Variants in NECAB1 observed in about 807,000 individuals in gnomAD.
NECAB1 encodes N-terminal EF-hand calcium binding protein 1, also known as N-terminal EF-hand calcium-binding protein 1.
In NECAB1, 29 loss-of-function variants were observed where a neutral mutation model predicts 57.5. The ratio of observed to expected loss-of-function variants is 0.50; its 90% CI spans 0.38 to 0.69. NECAB1 has a LOEUF of 0.69. NECAB1 is among the 30% of genes least tolerant of loss of function. NECAB1 has a pLI of 0.00. For synonymous variants in NECAB1, 142 were observed against 147.7 expected (o/e 0.96, Z 0.28); for missense variants, 372 against 413.8 (o/e 0.90, Z 0.88).
At chr8:90,803,478 T>G (rs1485397316) in intron 2 of NECAB1, among the ~76,000 whole-genome samples, 1 of 152,202 alleles carries the variant, frequency 6.6e-6, no homozygotes, top group Non-Finnish European at 1.5e-5. Context: ...TATGTATTTC[T>G]CTTCTTTCCA....
Position 90,889,323 on chromosome 8 carries a change from C to T in NECAB1, c.357+8193C>T, listed in dbSNP as rs538700924. Among the ~76,000 whole-genome samples, 18 of 152,258 alleles carry T rather than the reference C, an allele frequency of 1.2e-4. 1 individual carries two copies. In the South Asian group the frequency reaches 3.7e-3, roughly 32 times the overall value. ...GACAAAAAATGTCAGCTAACGCCCT[C>T]AAGGTCACACAGCTGAGATGTGGAT... On this transcript the variant is annotated intron_variant, in intron 5 of 12. Transcript: ENST00000417640.
chr8:90,908,384 G>A (rs1258809525), intron 5 of NECAB1, among the ~76,000 whole-genome samples: 1 of 152,044 alleles, frequency 6.6e-6, no homozygotes, highest in Non-Finnish European at 1.5e-5. Context: ...ATAGTTCTGT[G>A]CTCTTCATAC....
intron 5 of NECAB1, among the ~76,000 whole-genome samples, chr8:90,900,192 C>A: frequency 6.6e-6 from 1 of 151,976 alleles, no homozygotes; most frequent in East Asian, 1.9e-4. Flanking sequence ...CTTTATATAC[C>A]AATATGGGAT....
rs148964746 is a variant in NECAB1, at chr8:90,835,801, A to G, written c.233+10976A>G. Among the ~76,000 whole-genome samples, 268 of 152,306 alleles carry G rather than the reference A, an allele frequency of 1.8e-3. 3 individuals are homozygous for G. The highest frequency in any genetic ancestry group is 3.4e-3 in the Middle Eastern group (1 of 294). ...TCCAGCAATTGCTGTAATACATTCA[A>G]TAAGTGCTTGGTTACTTGACTGATA... On this transcript the variant is annotated intron_variant, in intron 3 of 12. Transcript: ENST00000417640.
intron 3 of NECAB1, among the ~76,000 whole-genome samples, chr8:90,828,883 A>G (rs1309693786): frequency 5.9e-5 from 9 of 152,020 alleles, no homozygotes; most frequent in Non-Finnish European, 1.2e-4. Context: ...ATTTTTCTCA[A>G]GCTTTAAGAG....
intron 3 of NECAB1, among the ~76,000 whole-genome samples, chr8:90,849,877 T>G (rs536260912): frequency 3.3e-4 from 50 of 152,256 alleles, no homozygotes; most frequent in African/African-American, 1.1e-3. Context: ...AGTGGATCAT[T>G]GTGTTTGGTT....
intron 7 of NECAB1, among the ~76,000 whole-genome samples, 166 bp from the exon 8 acceptor site, chr8:90,928,057 T>C (rs2019889): frequency 0.52 from 78,950 of 151,726 alleles, 23,767 homozygotes; most frequent in African/African-American, 0.81. Context: ...CATGGATCTA[T>C]GGAAATCAAT....
intron 5 of NECAB1, among the ~76,000 whole-genome samples, chr8:90,891,555 A>G (rs1336040843): frequency 6.6e-6 from 1 of 152,026 alleles, no homozygotes; most frequent in African/African-American, 2.4e-5. Flanking sequence ...AATGTAATAG[A>G]ACCAAGAATT....
At chr8:90,862,100 G>A (rs1322652321) in intron 3 of NECAB1, among the ~76,000 whole-genome samples, 1 of 152,044 alleles carries the variant, frequency 6.6e-6, no homozygotes, top group Admixed American at 6.6e-5. Context: ...TATAAATTAT[G>A]GTAGAAAACA....
intron 4 of NECAB1, among the ~76,000 whole-genome samples, chr8:90,879,405 T>G (rs1380574711): frequency 6.6e-6 from 1 of 151,740 alleles, no homozygotes; most frequent in East Asian, 1.9e-4. Context: ...TGCCTTAGCT[T>G]CCCAAAATAC....
At chr8:90,881,892 G>T (rs116842618) in intron 5 of NECAB1, among the ~76,000 whole-genome samples, 4 of 152,192 alleles carry the variant, frequency 2.6e-5, no homozygotes, top group Non-Finnish European at 5.9e-5. Context: ...AAGGAAGTTG[G>T]TAGAGCTGGA....
intron 8 of NECAB1, among the ~76,000 whole-genome samples, chr8:90,932,038 A>G (rs1330547388): frequency 6.6e-6 from 1 of 152,182 alleles, no homozygotes; most frequent in Non-Finnish European, 1.5e-5. Context: ...GTATCATCAG[A>G]TCACAGGACA....
rs1181578956 is a variant in NECAB1 at position 90,803,733 on chromosome 8, A to G, written c.124+2018A>G. Reference sequence around the variant, plus strand: ...TTACTTCTCAAAATCTTCCTCATGTATCCTCCTCTGCAGCTGCTGAAGCAC... The same window carrying G: ...TTACTTCTCAAAATCTTCCTCATGTGTCCTCCTCTGCAGCTGCTGAAGCAC... On this transcript the variant is annotated intron_variant, in intron 2 of 12. Coordinates refer to ENST00000417640, the MANE Select transcript of NECAB1 (RefSeq NM_022351.5). 2.0e-5 allele frequency among the ~76,000 whole-genome samples: 3 copies of G among 151,874 alleles called. No individual in the cohort carries two copies. In the East Asian group the frequency reaches 5.8e-4, roughly 29 times the overall value.
intron 6 of NECAB1, among the ~76,000 whole-genome samples, chr8:90,918,987 G>A (rs1164340942): frequency 2.6e-5 from 4 of 151,582 alleles, no homozygotes; most frequent in African/African-American, 9.8e-5. Context: ...AATTCAGTAA[G>A]CCTAATTATT....
At chr8:90,928,628 G>A (rs911861420) in intron 8 of NECAB1, among the ~76,000 whole-genome samples, 2 of 152,184 alleles carry the variant, frequency 1.3e-5, no homozygotes, top group African/African-American at 4.8e-5. Context: ...GCTAATGACA[G>A]CTCTTAGGGA....
intron 3 of NECAB1, among the ~76,000 whole-genome samples, chr8:90,828,717 G>C (rs188653145): frequency 8.5e-5 from 13 of 152,118 alleles, no homozygotes; most frequent in African/African-American, 2.9e-4. Flanking sequence ...CATTTGGAAA[G>C]TTTTCCTGAG....
At chr8:90,803,506 C>A (rs951435715) in intron 2 of NECAB1, among the ~76,000 whole-genome samples, 2 of 152,084 alleles carry the variant, frequency 1.3e-5, no homozygotes, top group African/African-American at 4.8e-5. Context: ...TAGGATAATC[C>A]ACAGTCAGAA....
intron 4 of NECAB1, among the ~76,000 whole-genome samples, chr8:90,872,859 T>G (rs543448477): frequency 6.6e-6 from 1 of 152,336 alleles, no homozygotes; most frequent in Non-Finnish European, 1.5e-5. Context: ...TTTATTTAAG[T>G]TCGATCTTAT....
chr8:90,881,962 G>T (rs1254442673), intron 5 of NECAB1, among the ~76,000 whole-genome samples: 1 of 152,152 alleles, frequency 6.6e-6, no homozygotes, highest in East Asian at 1.9e-4. Flanking sequence ...AGGGTCACAG[G>T]ACACTCTAGG....
Sources: gnomAD v4.1 joint callset for allele counts (sites outside exome capture counted in the v4.1 genomes callset) on GRCh38, gnomAD v4.1.1 for gene constraint, MANE v1.5 for transcripts, NCBI Gene and HGNC (gene_info 2026-07-23, HGNC 2026-07-21) for gene names.